The following DNAAF9 variants were observed in gnomAD, a reference collection of about 807,000 sequenced individuals.
The protein encoded by DNAAF9 is dynein axonemal assembly factor 9.
A neutral mutation model predicts 167.0 loss-of-function variants in DNAAF9; 90 were observed. The observed-to-expected ratio is 0.54, with a 90% CI of 0.45 to 0.64. The LOEUF is 0.64. Among genes scored for constraint, DNAAF9 ranks in the 30% least tolerant of loss-of-function variants. The pLI, the probability that DNAAF9 is intolerant of heterozygous loss-of-function variation, is 0.00. For missense variants in DNAAF9, 1,315 were observed against 1,442.2 expected, an observed-to-expected ratio of 0.91 and a Z score of 1.43; for synonymous variants, 491 against 508.8, an observed-to-expected ratio of 0.96 and a Z score of 0.47.
chr20:3,281,011 C>T (rs2068755443), intron 28 of DNAAF9, among the ~76,000 whole-genome samples: 1 of 151,998 alleles, frequency 6.6e-6, no homozygotes, highest in African/African-American at 2.4e-5. Flanking sequence ...AACTTCAGTC[C>T]TTTTACGCCT....
chr20:3,407,370 C>G (rs1251884569), intron 1 of DNAAF9, 105 bp downstream of exon 1: 3 of 975,280 alleles, frequency 3.1e-6, no homozygotes, highest in Non-Finnish European at 4.0e-6. Flanking sequence ...AGAACCGTCC[C>G]GAGGAAGCCA....
chr20:3,324,988 C>A lies in DNAAF9; in HGVS notation c.1189-20G>T, dbSNP rs377571562. 6.4e-6 allele frequency: 9 copies of A among 1,415,284 alleles called. No homozygotes were observed. Among genetic ancestry groups the A allele is most frequent in the South Asian group, 2.3e-5 (2 of 86,982 alleles). The allele number at this position is 1,415,284 out of a possible 1,614,324, so 87.7% of individuals were successfully genotyped here. A position where few individuals can be genotyped will look rare whatever the true frequency, so the allele number is the denominator to read the frequency against. On this transcript the variant is annotated intron_variant, in intron 13 of 36. Transcript: ENST00000252032. Reference sequence around the variant, plus strand: ...CTTGGCCTGTAAAATAATAAGACAGCGACAATTAGCTTTCACAGCAGGAAA... The same window carrying A: ...CTTGGCCTGTAAAATAATAAGACAGAGACAATTAGCTTTCACAGCAGGAAA...
chr20:3,377,630 A>AT (rs375310644), intron 3 of DNAAF9, among the ~76,000 whole-genome samples: 246 of 146,616 alleles, frequency 1.7e-3, no homozygotes, highest in African/African-American at 4.6e-3. Flanking sequence ...GCTAATTTTT[A>AT]TTTTTTTTTT....
At chr20:3,326,706 T>C (rs974995659) in intron 12 of DNAAF9, among the ~76,000 whole-genome samples, 27 of 150,244 alleles carry the variant, frequency 1.8e-4, no homozygotes, top group African/African-American at 6.4e-4. Flanking sequence ...CAAGACTGTG[T>C]CACTGTACTC....
intron 30 of DNAAF9, among the ~76,000 whole-genome samples, chr20:3,264,986 C>T (rs928670613): frequency 4.5e-4 from 69 of 152,250 alleles, no homozygotes; most frequent in African/African-American, 1.6e-3. Context: ...TGATATTTTA[C>T]CCCTAAATAC....
chr20:3,364,377 G>A (rs1285557980), intron 6 of DNAAF9, among the ~76,000 whole-genome samples: 1 of 152,060 alleles, frequency 6.6e-6, no homozygotes, highest in Non-Finnish European at 1.5e-5. Flanking sequence ...GTTCTGGAAA[G>A]CAGTTAAGTA....
intron 6 of DNAAF9, among the ~76,000 whole-genome samples, chr20:3,373,347 C>G (rs983273137): frequency 2.0e-5 from 3 of 152,156 alleles, no homozygotes; most frequent in Non-Finnish European, 4.4e-5. Flanking sequence ...CTGGGCAGGT[C>G]ATTTCAGTGG....
intron 1 of DNAAF9, among the ~76,000 whole-genome samples, chr20:3,387,405 A>G (rs1600907009): frequency 6.6e-6 from 1 of 152,348 alleles, no homozygotes; most frequent in Non-Finnish European, 1.5e-5. Flanking sequence ...CAATAAGAAT[A>G]GTCTTTCAAA....
intron 25 of DNAAF9, among the ~76,000 whole-genome samples, chr20:3,293,265 C>A (rs867591389): frequency 3.2e-4 from 38 of 119,230 alleles, no homozygotes; most frequent in African/African-American, 1.2e-3. Context: ...TGCACTCTAG[C>A]CTGGGCAACA....
intron 29 of DNAAF9, among the ~76,000 whole-genome samples, chr20:3,271,899 G>A (rs886895879): frequency 2.0e-5 from 3 of 152,078 alleles, no homozygotes; most frequent in Non-Finnish European, 4.4e-5. Flanking sequence ...GATTACAGGT[G>A]TGAGCCACCG....
intron 29 of DNAAF9, among the ~76,000 whole-genome samples, chr20:3,276,485 T>A (rs2068677773): frequency 6.6e-6 from 1 of 152,204 alleles, no homozygotes; most frequent in African/African-American, 2.4e-5. Flanking sequence ...GAAGGCAGTA[T>A]AAATGAAACA....
Position 3,315,622 on chromosome 20 carries a change from C to T in DNAAF9, c.1590+113G>A. ...GAATGCAAATAGGAAGTGAAGACAA[C>T]ATAGTGCAAGTCTTTTAGATTAGTA... On this transcript the variant is annotated intron_variant, in intron 19 of 36. Transcript: ENST00000252032. This position sits in a 1 kb window ranked among gnomAD's most constrained non-coding sequence, Gnocchi z 4.1. 1.2e-6 allele frequency: 1 copy of T among 844,552 alleles called. No homozygotes were observed. The highest frequency in any genetic ancestry group is 2.0e-6 in the Non-Finnish European group (1 of 492,382). 52.3% of individuals were successfully genotyped at this position (844,552 alleles called of 1,614,324 possible).
At chr20:3,318,734 C>T (rs1307335758) in intron 16 of DNAAF9, among the ~76,000 whole-genome samples, 1 of 151,880 alleles carries the variant, frequency 6.6e-6, no homozygotes, top group African/African-American at 2.4e-5. Context: ...GTCAAGGAAC[C>T]CAGGAGTTTG....
At chr20:3,389,217 C>A (rs1600910557) in intron 1 of DNAAF9, among the ~76,000 whole-genome samples, 1 of 152,274 alleles carries the variant, frequency 6.6e-6, no homozygotes, top group Non-Finnish European at 1.5e-5. Flanking sequence ...TTGATCACGA[C>A]TCACTGCAGC....
intron 12 of DNAAF9, 107 bp from the exon 13 acceptor site, chr20:3,326,391 T>A: frequency 1.3e-6 from 1 of 760,586 alleles, no homozygotes; most frequent in Admixed American, 2.5e-5. Flanking sequence ...TTAAACAGAA[T>A]GAAAAAAGGC....
chr20:3,367,954 A>G (rs1380769683), intron 6 of DNAAF9, among the ~76,000 whole-genome samples: 1 of 151,334 alleles, frequency 6.6e-6, no homozygotes, highest in Non-Finnish European at 1.5e-5. Context: ...GCAGCAAACC[A>G]AAGCACAATA....
chr20:3,316,912 T>G (rs2069512252), intron 17 of DNAAF9, 119 bp from the exon 18 acceptor site: 3 of 568,650 alleles, frequency 5.3e-6, no homozygotes, highest in Non-Finnish European at 3.0e-6. Context: ...TTTTTTTTTT[T>G]GAGACAGAAT....
intron 29 of DNAAF9, 87 bp downstream of exon 29, chr20:3,278,825 G>A (rs2068716761): frequency 1.0e-6 from 1 of 980,466 alleles, no homozygotes; most frequent in Non-Finnish European, 1.7e-6. Context: ...ATTTCAGAAT[G>A]GTAGGTAAGA....
At chr20:3,307,488 CTT>C (rs762454960) in intron 20 of DNAAF9, among the ~76,000 whole-genome samples, 3 of 152,064 alleles carry the variant, frequency 2.0e-5, no homozygotes, top group Non-Finnish European at 4.4e-5. Context: ...GCTCTGGACT[CTT>C]GACTGTCAGA....
Sources: allele counts gnomAD v4.1 joint callset (sites outside exome capture counted in the v4.1 genomes callset), GRCh38; gene constraint gnomAD v4.1.1; non-coding constraint Gnocchi (gnomAD v3.1); transcripts MANE v1.5; gene names NCBI Gene and HGNC (gene_info 2026-07-23, HGNC 2026-07-21).